Variants in SSBP3 observed in about 807,000 individuals in gnomAD.
SSBP3 encodes the protein single stranded DNA binding protein 3.
A neutral mutation model predicts 69.6 loss-of-function variants in SSBP3; 5 were observed. That is an observed-to-expected ratio of 0.07 (90% confidence interval 0.04 to 0.15). SSBP3 has a LOEUF of 0.15. Ranked by LOEUF, SSBP3 falls within the 10% of genes least tolerant of loss-of-function variation. SSBP3 has a pLI of 1.00. For missense variants in SSBP3, 312 were observed against 534.0 expected (o/e 0.58, Z 4.10); for synonymous variants, 196 against 193.4 (o/e 1.01, Z -0.11).
chr1:54,405,090 G>A (rs999068697), intron 1 of SSBP3, among the ~76,000 whole-genome samples, 160 bp from the exon 2 acceptor site: 16 of 152,186 alleles, frequency 1.1e-4, no homozygotes, highest in Admixed American at 3.3e-4. Context: ...GGGCCGCCAG[G>A]TGCGAACAGT....
chr1:54,334,422 G>A (rs1270073776), intron 4 of SSBP3, among the ~76,000 whole-genome samples: 2 of 152,112 alleles, frequency 1.3e-5, no homozygotes, highest in Non-Finnish European at 2.9e-5. Context: ...TAAAGACTCT[G>A]CCAGCAAGCT....
intron 5 of SSBP3, among the ~76,000 whole-genome samples, chr1:54,273,034 T>C (rs112574993): frequency 6.6e-6 from 1 of 152,124 alleles, no homozygotes; most frequent in Non-Finnish European, 1.5e-5. Flanking sequence ...ATCCTGCACT[T>C]GGGAGGCCAG....
chr1:54,396,293 T>G (rs1236144493), intron 4 of SSBP3, among the ~76,000 whole-genome samples: 1 of 149,364 alleles, frequency 6.7e-6, no homozygotes. Flanking sequence ...CCCAGCAACA[T>G]GTATTAAAGA....
At chr1:54,308,582 CAG>C (rs1417329093) in intron 4 of SSBP3, among the ~76,000 whole-genome samples, 1 of 136,058 alleles carries the variant, frequency 7.3e-6, no homozygotes, top group Admixed American at 8.0e-5. Context: ...GCCTGGCCGA[CAG>C]AGCGAGACTC....
chr1:54,413,190 C>T (rs1380690475), intron 1 of SSBP3: 1 of 152,226 alleles, frequency 6.6e-6, no homozygotes, highest in East Asian at 1.9e-4. Context: ...TCCTGGTTTT[C>T]CCTCTTCCTC....
At chr1:54,299,139 G>A (rs1443972253) in intron 4 of SSBP3, among the ~76,000 whole-genome samples, 3 of 152,100 alleles carry the variant, frequency 2.0e-5, no homozygotes, top group African/African-American at 7.2e-5. Context: ...TGTGCAGGTT[G>A]CAGGCCAGGC....
intron 4 of SSBP3, among the ~76,000 whole-genome samples, chr1:54,351,636 T>G (rs1174425394): frequency 2.6e-5 from 4 of 152,260 alleles, no homozygotes; most frequent in Admixed American, 2.6e-4. Context: ...TTCCTTCATC[T>G]TTTCATGTTC....
intron 4 of SSBP3, among the ~76,000 whole-genome samples, chr1:54,375,830 G>A (rs1228676631): frequency 6.6e-6 from 1 of 152,236 alleles, no homozygotes; most frequent in Non-Finnish European, 1.5e-5. Context: ...CAGGGCCCTG[G>A]CGGTGGCAAA....
chr1:54,320,554 G>A (rs1024819241), intron 4 of SSBP3, among the ~76,000 whole-genome samples: 1 of 152,078 alleles, frequency 6.6e-6, no homozygotes, highest in Non-Finnish European at 1.5e-5. Flanking sequence ...TCCTGACCTC[G>A]TGATCCGCCC....
intron 14 of SSBP3, among the ~76,000 whole-genome samples, chr1:54,236,070 C>G (rs1472378187): frequency 2.0e-5 from 3 of 152,150 alleles, no homozygotes; most frequent in Admixed American, 1.3e-4. Flanking sequence ...TCAGAGAGTA[C>G]TGGCAAAACA....
intron 4 of SSBP3, among the ~76,000 whole-genome samples, chr1:54,295,106 C>T (rs1645682375): frequency 6.6e-6 from 1 of 152,142 alleles, no homozygotes; most frequent in African/African-American, 2.4e-5. Flanking sequence ...CCCTCCCCGT[C>T]CCTTCCTCAG....
chr1:54,301,151 T>G (rs1025076309), intron 4 of SSBP3, among the ~76,000 whole-genome samples: 18 of 152,180 alleles, frequency 1.2e-4, no homozygotes, highest in Admixed American at 3.3e-4. Context: ...CTCGGCAAGG[T>G]TAGGAGAAGA....
intron 4 of SSBP3, among the ~76,000 whole-genome samples, chr1:54,385,692 C>T (rs1038626068): frequency 6.6e-6 from 1 of 152,238 alleles, no homozygotes; most frequent in African/African-American, 2.4e-5. Flanking sequence ...CTTTCAGCCT[C>T]TCATTCTTTC....
At chr1:54,323,306 A>C (rs1646247237) in intron 4 of SSBP3, among the ~76,000 whole-genome samples, 1 of 152,172 alleles carries the variant, frequency 6.6e-6, no homozygotes, top group Non-Finnish European at 1.5e-5. Context: ...TTTTACCATA[A>C]GTGGGGAGAA....
chr1:54,252,055 A>T (rs1418736367), intron 7 of SSBP3, among the ~76,000 whole-genome samples, 195 bp from the exon 8 acceptor site: 1 of 152,090 alleles, frequency 6.6e-6, no homozygotes, highest in East Asian at 1.9e-4. Flanking sequence ...TGTTAGCTAT[A>T]ACTGTGGCGT....
chr1:54,401,405 C>A (rs1022491228), intron 4 of SSBP3, among the ~76,000 whole-genome samples: 19 of 152,008 alleles, frequency 1.2e-4, no homozygotes, highest in Non-Finnish European at 2.6e-4. Context: ...CACACACACC[C>A]ATAATTTGAA....
At chr1:54,255,728 A>G (rs946073672) in intron 7 of SSBP3, 2 of 141,540 alleles carry the variant, frequency 1.4e-5, no homozygotes, top group Non-Finnish European at 3.1e-5. Context: ...TTTTGGAGAG[A>G]AAAAAAAACA....
intron 10 of SSBP3, among the ~76,000 whole-genome samples, chr1:54,242,626 G>T (rs1644659252): frequency 6.6e-6 from 1 of 152,102 alleles, no homozygotes; most frequent in South Asian, 2.1e-4. Flanking sequence ...TCTGTGCCTT[G>T]GTGACCTCAT....
At position 54,307,847 on chromosome 1, in the gene SSBP3, C is replaced by T. The variant is rs143937167; in HGVS notation, c.277-26320G>A. ...TCTAAAAAGGGGAGGCATGAATAAC[C>T]CACCCCTTATTTAGCAGATGATCAA... On this transcript the variant is annotated intron_variant, in intron 4 of 17. Coordinates refer to ENST00000610401, the Ensembl canonical transcript of SSBP3. 7.1e-3 allele frequency among the ~76,000 whole-genome samples: 1,086 copies of T among 152,248 alleles called. 14 individuals are homozygous for T. The highest frequency in any genetic ancestry group is 0.025 in the African/African-American group (1,029 of 41,526).
Sources: allele counts gnomAD v4.1 joint callset (sites outside exome capture counted in the v4.1 genomes callset), GRCh38; gene constraint gnomAD v4.1.1; transcripts MANE v1.5; gene names NCBI Gene and HGNC (gene_info 2026-07-23, HGNC 2026-07-21).